Variants in ZNF280D observed in about 807,000 individuals in gnomAD.
ZNF280D encodes zinc finger protein 280D, also known as suppressor of hairy wing homolog 4.
A neutral mutation model predicts 94.7 loss-of-function variants in ZNF280D; 39 were observed. The ratio of observed to expected loss-of-function variants is 0.41; its 90% CI spans 0.32 to 0.54. The LOEUF is 0.54. ZNF280D is among the 20% of genes least tolerant of loss of function. ZNF280D has a pLI of 0.22. For missense variants in ZNF280D, 1,090 were observed against 1,149.3 expected, an observed-to-expected ratio of 0.95 and a Z score of 0.75; for synonymous variants, 398 against 377.6, an observed-to-expected ratio of 1.05 and a Z score of -0.63.
At chr15:56,712,305 T>A (rs1307311715) in intron 1 of ZNF280D, among the ~76,000 whole-genome samples, 1 of 152,024 alleles carries the variant, frequency 6.6e-6, no homozygotes, top group African/African-American at 2.4e-5. Flanking sequence ...CATATAAAAA[T>A]TAACATTTAG....
intron 16 of ZNF280D, among the ~76,000 whole-genome samples, chr15:56,660,254 A>G (rs1377388959): frequency 1.3e-5 from 2 of 152,204 alleles, no homozygotes; most frequent in Non-Finnish European, 2.9e-5. Context: ...AACGAGATTT[A>G]AAAGCTCTTT....
At chr15:56,727,791 T>A (rs1202464906) in intron 1 of ZNF280D, among the ~76,000 whole-genome samples, 1 of 152,184 alleles carries the variant, frequency 6.6e-6, no homozygotes, top group East Asian at 1.9e-4. Flanking sequence ...GAAAATGACT[T>A]TATAAGGGAA....
chr15:56,694,996 AT>A (rs1314075373), intron 6 of ZNF280D, among the ~76,000 whole-genome samples: 4 of 152,182 alleles, frequency 2.6e-5, no homozygotes, highest in African/African-American at 7.2e-5. Flanking sequence ...TAGAGCTTAT[AT>A]TTTAGTATAA....
intron 1 of ZNF280D, among the ~76,000 whole-genome samples, chr15:56,716,869 C>G (rs1181411240): frequency 4.6e-5 from 7 of 152,108 alleles, no homozygotes; most frequent in Non-Finnish European, 1.0e-4. Flanking sequence ...GAAATAACTA[C>G]AGGCATAATT....
chr15:56,714,664 C>G (rs1405753665), intron 1 of ZNF280D, among the ~76,000 whole-genome samples: 2 of 152,060 alleles, frequency 1.3e-5, no homozygotes, highest in Admixed American at 1.3e-4. Context: ...TGCCCATCTC[C>G]TAACTTATAC....
chr15:56,648,715 C>T (rs2053039598), intron 19 of ZNF280D, among the ~76,000 whole-genome samples: 1 of 152,110 alleles, frequency 6.6e-6, no homozygotes, highest in Non-Finnish European at 1.5e-5. Context: ...TAAATAAATG[C>T]AAAACACTTA....
At chr15:56,667,944 T>G (rs2054407246) in intron 14 of ZNF280D, 3 of 200,092 alleles carry the variant, frequency 1.5e-5, no homozygotes, top group African/African-American at 7.2e-5. Context: ...TCATTATCAT[T>G]AATATTATTA....
chr15:56,686,471 A>G (rs1596496555), intron 9 of ZNF280D, among the ~76,000 whole-genome samples: 1 of 152,282 alleles, frequency 6.6e-6, no homozygotes, highest in East Asian at 1.9e-4. Flanking sequence ...AGATTCTTCT[A>G]TATCATAAAC....
chr15:56,678,559 G>C, intron 11 of ZNF280D, 105 bp downstream of exon 11: 1 of 1,128,664 alleles, frequency 8.9e-7, no homozygotes, highest in Non-Finnish European at 1.2e-6. Flanking sequence ...AAATTCCAAA[G>C]TCTAGTTCTC....
intron 9 of ZNF280D, among the ~76,000 whole-genome samples, chr15:56,686,752 A>G (rs2056043250): frequency 6.6e-6 from 1 of 152,190 alleles, no homozygotes; most frequent in African/African-American, 2.4e-5. Flanking sequence ...AGGATTTGTG[A>G]AAACTTGGGC....
chr15:56,703,965 T>C (rs1215940198), intron 4 of ZNF280D, among the ~76,000 whole-genome samples, 156 bp downstream of exon 4: 1 of 152,186 alleles, frequency 6.6e-6, no homozygotes, highest in Non-Finnish European at 1.5e-5. Context: ...TTTTCTGACA[T>C]CTGATATTTA....
At chr15:56,670,297 C>A (rs1349893448) in intron 13 of ZNF280D, among the ~76,000 whole-genome samples, 1 of 150,776 alleles carries the variant, frequency 6.6e-6, no homozygotes, top group African/African-American at 2.4e-5. Context: ...CAGATTATTT[C>A]ATCACCCAGG....
intron 1 of ZNF280D, among the ~76,000 whole-genome samples, chr15:56,727,810 C>T (rs1488030258): frequency 2.0e-5 from 3 of 152,206 alleles, no homozygotes; most frequent in East Asian, 1.9e-4. Flanking sequence ...AAATCTCAGA[C>T]TGAGTCCTTG....
chr15:56,692,973 T>C (rs1487640213), intron 7 of ZNF280D, 125 bp downstream of exon 7: 11 of 561,074 alleles, frequency 2.0e-5, no homozygotes, highest in Non-Finnish European at 3.2e-5. Flanking sequence ...ACTAGTGACG[T>C]TCCACCTTAC....
chr15:56,651,044 T>A (rs1462556989), intron 19 of ZNF280D, among the ~76,000 whole-genome samples: 1 of 152,184 alleles, frequency 6.6e-6, no homozygotes, highest in African/African-American at 2.4e-5. Context: ...TTATTGTCTT[T>A]CACAAATATA....
chr15:56,717,928 C>T (rs979350043), intron 1 of ZNF280D, among the ~76,000 whole-genome samples: 5 of 151,992 alleles, frequency 3.3e-5, no homozygotes, highest in South Asian at 2.1e-4. Context: ...ATATCAAAAA[C>T]GAAGATGAAC....
chr15:56,729,306 G>C (rs2058775137), intron 1 of ZNF280D, among the ~76,000 whole-genome samples: 3 of 152,180 alleles, frequency 2.0e-5, no homozygotes, highest in Admixed American at 2.0e-4. Context: ...ATATCACACA[G>C]CATCAAACTC....
intron 20 of ZNF280D, among the ~76,000 whole-genome samples, chr15:56,637,964 T>C (rs530759435): frequency 6.6e-6 from 1 of 152,326 alleles, no homozygotes; most frequent in South Asian, 2.1e-4. Context: ...TATTTGGGTC[T>C]GTGATTGAGT....
At chr15:56,653,396 T>A in intron 19 of ZNF280D, 1 of 1,330,500 alleles carries the variant, frequency 7.5e-7, no homozygotes, top group Non-Finnish European at 9.6e-7. Flanking sequence ...CCAAACAACA[T>A]CAGCCTTATG....
Sources: gnomAD v4.1 joint callset for allele counts (sites outside exome capture counted in the v4.1 genomes callset) on GRCh38, gnomAD v4.1.1 for gene constraint, MANE v1.5 for transcripts, NCBI Gene and HGNC (gene_info 2026-07-23, HGNC 2026-07-21) for gene names.